Variants in KCNK2 observed in about 807,000 individuals in gnomAD.
The protein encoded by KCNK2 is potassium channel subfamily K member 2.
Under a neutral mutation model 40.5 loss-of-function variants are expected in KCNK2, and 21 were observed. The ratio of observed to expected loss-of-function variants is 0.52; its 90% CI spans 0.37 to 0.75. KCNK2 has a LOEUF of 0.75. Among genes scored for constraint, KCNK2 ranks in the 30% least tolerant of loss-of-function variants. The probability of loss-of-function intolerance (pLI) is 0.00; values close to 1 mark genes in which losing one functional copy is unlikely to be tolerated. For missense variants in KCNK2, 399 were observed against 531.6 expected (o/e 0.75, Z 2.45); for synonymous variants, 191 against 202.2 (o/e 0.94, Z 0.47).
chr1:215,026,275 A>C (rs1025454401), intron 1 of KCNK2, among the ~76,000 whole-genome samples: 6 of 152,040 alleles, frequency 3.9e-5, no homozygotes, highest in African/African-American at 1.4e-4. Flanking sequence ...TCTGCATTGC[A>C]AACATGTTTC....
At chr1:215,200,824 T>C (rs1665052113) in intron 6 of KCNK2, among the ~76,000 whole-genome samples, 1 of 152,154 alleles carries the variant, frequency 6.6e-6, no homozygotes, top group African/African-American at 2.4e-5. Flanking sequence ...ATTCTAACTT[T>C]GGGTGGGATT....
At chr1:215,066,111 GT>G (rs1355224026) in intron 1 of KCNK2, among the ~76,000 whole-genome samples, 4 of 138,924 alleles carry the variant, frequency 2.9e-5, no homozygotes, top group Non-Finnish European at 4.6e-5. Context: ...ACCAGGGCCT[GT>G]TGGGAGGTGC....
At position 215,013,570 on chromosome 1, in the gene KCNK2, C is replaced by T. The variant is rs551159335; in HGVS notation, c.34+7615C>T. 1.9e-3 allele frequency among the ~76,000 whole-genome samples: 291 copies of T among 152,260 alleles called. 1 individual carries two copies. Among genetic ancestry groups the T allele is most frequent in the African/African-American group, 6.2e-3 (256 of 41,560 alleles). On this transcript the variant is annotated intron_variant, in intron 1 of 6. Coordinates refer to the KCNK2 transcript ENST00000391895. ...TCCAGAAGAAGTGAGCCTTATTTAG[C>T]TCTTCCTCAATTTCTCCTATTTGGC...
chr1:215,023,240 T>C (rs1173007558), intron 1 of KCNK2, among the ~76,000 whole-genome samples: 1 of 152,158 alleles, frequency 6.6e-6, no homozygotes, highest in Non-Finnish European at 1.5e-5. Context: ...TTTTCCTGTA[T>C]GGTGAGAGAA....
chr1:215,177,738 A>T (rs373680055), intron 5 of KCNK2, among the ~76,000 whole-genome samples: 2,391 of 51,882 alleles, frequency 0.046, 47 homozygotes, highest in Admixed American at 0.12. Flanking sequence ...ATATATATAT[A>T]TATTTTTTTT....
chr1:215,140,370 G>A (rs1456200343), intron 3 of KCNK2, among the ~76,000 whole-genome samples: 3 of 152,168 alleles, frequency 2.0e-5, no homozygotes, highest in African/African-American at 7.2e-5. Flanking sequence ...ATACAGTCAT[G>A]TGTCACTTAT....
chr1:215,192,906 C>A (rs543748619), intron 5 of KCNK2, among the ~76,000 whole-genome samples: 4 of 152,032 alleles, frequency 2.6e-5, no homozygotes, highest in Non-Finnish European at 5.9e-5. Context: ...AATTATTTAC[C>A]TGACAGAAAA....
chr1:215,089,829 TTTTTTTTTTA>T (rs1659615244), intron 2 of KCNK2, among the ~76,000 whole-genome samples: 2 of 62,694 alleles, frequency 3.2e-5, no homozygotes, highest in Non-Finnish European at 3.8e-5. Flanking sequence ...CTTTTTCTTT[TTTTTTTTTTA>T]TTTTGAAACA....
intron 3 of KCNK2, among the ~76,000 whole-genome samples, chr1:215,126,404 A>G (rs907045857): frequency 2.6e-5 from 4 of 152,172 alleles, no homozygotes; most frequent in African/African-American, 7.2e-5. Flanking sequence ...AACCATAATA[A>G]CAGGTTAAGT....
intron 6 of KCNK2, among the ~76,000 whole-genome samples, 158 bp from the exon 7 acceptor site, chr1:215,234,670 C>T (rs989562831): frequency 6.6e-6 from 1 of 152,136 alleles, no homozygotes; most frequent in African/African-American, 2.4e-5. Context: ...GCTGTGTATA[C>T]CCTGCCTAAT....
chr1:215,024,762 G>T (rs1656934194), intron 1 of KCNK2, among the ~76,000 whole-genome samples: 2 of 151,904 alleles, frequency 1.3e-5, no homozygotes, highest in Non-Finnish European at 2.9e-5. Flanking sequence ...GACTATCTAG[G>T]TACTTATCAA....
intron 2 of KCNK2, among the ~76,000 whole-genome samples, chr1:215,116,649 A>G (rs1012126232): frequency 3.9e-5 from 6 of 152,120 alleles, no homozygotes; most frequent in Admixed American, 3.9e-4. Flanking sequence ...AATATATCAG[A>G]AGGTAAGCAA....
At chr1:215,047,409 AAGGTTT>A in intron 1 of KCNK2, among the ~76,000 whole-genome samples, 1 of 152,216 alleles carries the variant, frequency 6.6e-6, no homozygotes, top group Non-Finnish European at 1.5e-5. Flanking sequence ...GAGGCATAGT[AAGGTTT>A]AGGAACTGAA....
chr1:215,093,380 T>C (rs1222895942), intron 2 of KCNK2, among the ~76,000 whole-genome samples: 1 of 138,270 alleles, frequency 7.2e-6, no homozygotes, highest in Non-Finnish European at 1.5e-5. Flanking sequence ...ATATAAAATA[T>C]ACATATAATA....
chr1:215,231,971 A>G (rs539322714), intron 6 of KCNK2, among the ~76,000 whole-genome samples: 1 of 152,290 alleles, frequency 6.6e-6, no homozygotes, highest in East Asian at 1.9e-4. Context: ...CAGTGATTCA[A>G]TTACCTCCCA....
At chr1:215,143,751 T>G (rs575239287) in intron 3 of KCNK2, among the ~76,000 whole-genome samples, 1 of 152,206 alleles carries the variant, frequency 6.6e-6, no homozygotes, top group Admixed American at 6.5e-5. Context: ...GAATTACATT[T>G]TGAAAAATGT....
At position 215,069,874 on chromosome 1, in the gene KCNK2, G is replaced by A. The variant is rs1658685275; in HGVS notation, c.35-16494G>A. Reference sequence around the variant, plus strand: ...CTTTCAATGTACCCGAAGTCCCTTGGTGTGAATTAAAATGCTTTTTGATGA... The same window carrying A: ...CTTTCAATGTACCCGAAGTCCCTTGATGTGAATTAAAATGCTTTTTGATGA... On this transcript the variant is annotated intron_variant, in intron 1 of 6. Coordinates refer to the KCNK2 transcript ENST00000391895. 3.3e-5 allele frequency among the ~76,000 whole-genome samples: 5 copies of A among 152,242 alleles called. No individual in the cohort carries two copies. The South Asian group carries it at 1.0e-3, about 32-fold the overall frequency.
chr1:215,051,453 C>T (rs1657987237), intron 1 of KCNK2, among the ~76,000 whole-genome samples: 1 of 152,134 alleles, frequency 6.6e-6, no homozygotes, highest in Non-Finnish European at 1.5e-5. Flanking sequence ...TGTGGGTGTA[C>T]TATAAAATTG....
chr1:215,134,092 G>C (rs1349463940), intron 3 of KCNK2, among the ~76,000 whole-genome samples: 1 of 124,954 alleles, frequency 8.0e-6, no homozygotes, highest in Non-Finnish European at 1.7e-5. Context: ...AAGAAAAAAT[G>C]AAAGTAAGGG....
Sources: gnomAD v4.1 joint callset for allele counts (sites outside exome capture counted in the v4.1 genomes callset) on GRCh38, gnomAD v4.1.1 for gene constraint, MANE v1.5 for transcripts, NCBI Gene and HGNC (gene_info 2026-07-23, HGNC 2026-07-21) for gene names.